Variants in PHLDB2 observed in about 807,000 individuals in gnomAD.
PHLDB2 encodes the protein pleckstrin homology like domain family B member 2, also known as pleckstrin homology-like domain family B member 2.
A neutral mutation model predicts 123.6 loss-of-function variants in PHLDB2; 71 were observed. That is an observed-to-expected ratio of 0.57 (90% CI 0.47 to 0.70). PHLDB2 has a LOEUF of 0.70. Ranked by LOEUF, PHLDB2 falls within the 30% of genes least tolerant of loss-of-function variation. The probability of loss-of-function intolerance (pLI) is 0.00; values close to 1 mark genes in which losing one functional copy is unlikely to be tolerated. For synonymous variants in PHLDB2, 547 were observed against 541.6 expected (o/e 1.01, Z -0.14); for missense variants, 1,446 against 1,519.5 (o/e 0.95, Z 0.80).
At chr3:111,809,014 GA>G (rs2061717811) in intron 1 of PHLDB2, among the ~76,000 whole-genome samples, 1 of 152,120 alleles carries the variant, frequency 6.6e-6, no homozygotes, top group African/African-American at 2.4e-5. Flanking sequence ...TATTTACCAA[GA>G]AATGCAATGG....
chr3:111,895,062 A>C (rs891829322), intron 2 of PHLDB2, among the ~76,000 whole-genome samples: 10 of 152,110 alleles, frequency 6.6e-5, no homozygotes, highest in African/African-American at 2.4e-4. Context: ...AGTGAAAAAA[A>C]AAAAACGGTT....
At chr3:111,951,352 T>C (rs1014171922) in intron 10 of PHLDB2, among the ~76,000 whole-genome samples, 7 of 152,220 alleles carry the variant, frequency 4.6e-5, no homozygotes, top group African/African-American at 1.4e-4. Flanking sequence ...AATAATTTAA[T>C]GAGATAACGT....
chr3:111,913,451 G>A lies in PHLDB2; in HGVS notation c.1468G>A (p.Asp490Asn), dbSNP rs759554814. 1 of 1,614,158 alleles carries A rather than the reference G, an allele frequency of 6.2e-7. No homozygotes were observed. The highest frequency in any genetic ancestry group is 1.3e-5 in the African/African-American group (1 of 75,054). Residue 490 changes from aspartate to asparagine, a missense_variant, in exon 3 of 18, where the codon GAT becomes AAT. Asp to Asn is a conservative substitution (Grantham distance 23, BLOSUM62 1). Coordinates refer to ENST00000431670, the MANE Select transcript of PHLDB2 (RefSeq NM_001134438.2). ...GGAGCTTGAGAAGCTGCAGCTCTCT[G>A]ATGAGGAGTCTGTGTTTGAGGAAGC... ...NKELEKLQLS[D>N]EESVFEEALM...
At chr3:111,798,264 C>T (rs1191999532) in intron 1 of PHLDB2, among the ~76,000 whole-genome samples, 1 of 152,086 alleles carries the variant, frequency 6.6e-6, no homozygotes, top group Non-Finnish European at 1.5e-5. Flanking sequence ...GAAAAAGAAT[C>T]AGGGAACATT....
chr3:111,789,902 T>G (rs1422785119), intron 1 of PHLDB2, among the ~76,000 whole-genome samples: 4 of 152,150 alleles, frequency 2.6e-5, no homozygotes, highest in Admixed American at 2.0e-4. Flanking sequence ...GATTCTTTGG[T>G]TCTCACCACC....
chr3:111,884,837 C>T lies in PHLDB2; in HGVS notation c.760C>T (p.Arg254Ter), dbSNP rs1245705572. The change falls in exon 2 of 18, where the codon CGA (arginine) becomes TGA (stop). Residue 254 changes from arginine (R) to a stop codon, truncating the protein, a stop_gained. Transcript: ENST00000431670. LOFTEE classifies it high-confidence loss of function. Reference sequence around the variant, plus strand: ...CCTGAGTCACATGGGAGCCTACAGCCGATCACTTCCCAGGTTGTACAGAGC... The same window carrying T: ...CCTGAGTCACATGGGAGCCTACAGCTGATCACTTCCCAGGTTGTACAGAGC... ...SSLSHMGAYS[R>*]SLPRLYRATE... The T allele has an allele frequency of 7.4e-6, 12 of 1,614,002 alleles. No homozygotes were observed. Among genetic ancestry groups the T allele is most frequent in the Middle Eastern group, 1.6e-4 (1 of 6,084 alleles).
chr3:111,811,713 T>G, intron 1 of PHLDB2, among the ~76,000 whole-genome samples: 1 of 152,158 alleles, frequency 6.6e-6, no homozygotes, highest in African/African-American at 2.4e-5. Context: ...TTTCAGATAC[T>G]ATAATTCTGT....
chr3:111,952,578 A>G lies in PHLDB2; in HGVS notation c.2638A>G (p.Arg880Gly), dbSNP rs916504756. The change falls in exon 11 of 18, where the codon AGA becomes GGA. Residue 880 changes from arginine (R) to glycine (G), a missense_variant. Coordinates refer to ENST00000431670, the MANE Select transcript of PHLDB2 (RefSeq NM_001134438.2). ...TTTGCATTTGCATTTAAAGCACTTT[A>G]GAAGTCTGGAAGAAAGGAAAAAACA... is the stretch of plus-strand genomic sequence containing the variant. ...ASQPQSKEHF[R>G]SLEERKKQHK... is the part of the protein sequence containing the mutation. 3.1e-6 allele frequency: 5 copies of G among 1,612,274 alleles called. No individual in the cohort carries two copies. The highest frequency in any genetic ancestry group is 3.4e-6 in the Non-Finnish European group (4 of 1,179,490).
chr3:111,747,828 A>G (rs1431862684), intron 1 of PHLDB2, among the ~76,000 whole-genome samples: 5 of 152,122 alleles, frequency 3.3e-5, no homozygotes, highest in Non-Finnish European at 7.4e-5. Flanking sequence ...GTCTTTTTGT[A>G]TAACTAATCT....
At chr3:111,748,838 T>C (rs1464007687) in intron 1 of PHLDB2, among the ~76,000 whole-genome samples, 3 of 152,118 alleles carry the variant, frequency 2.0e-5, no homozygotes, top group African/African-American at 7.2e-5. Flanking sequence ...TCTTTTTTCT[T>C]GTCAAATTTA....
chr3:111,917,360 G>A (rs1379517156), intron 3 of PHLDB2: 2 of 152,050 alleles, frequency 1.3e-5, no homozygotes, highest in Non-Finnish European at 2.9e-5. Context: ...CTGTTATTTT[G>A]TATTTTTCTT....
chr3:111,797,213 G>A (rs1207804043), intron 1 of PHLDB2, among the ~76,000 whole-genome samples: 1 of 152,112 alleles, frequency 6.6e-6, no homozygotes, highest in Non-Finnish European at 1.5e-5. Flanking sequence ...ATGTGTTGAC[G>A]TGATTATTGA....
chr3:111,969,926 A>G lies in PHLDB2; in HGVS notation c.3535+17A>G, dbSNP rs139085395. The G allele has an allele frequency of 1.5e-4, 242 of 1,609,360 alleles. No homozygotes were observed. In the African/African-American group the frequency reaches 2.6e-3, roughly 17 times the overall value. On this transcript the variant is annotated intron_variant, in intron 16 of 17. Coordinates refer to ENST00000431670, the MANE Select transcript of PHLDB2 (RefSeq NM_001134438.2). ...ATTATGCAGGTGGGTGATAAAAACA[A>G]TTTAAGCCATATACTCAAATCAAGA...
intron 12 of PHLDB2, 95 bp downstream of exon 12, chr3:111,954,124 G>A: frequency 8.7e-7 from 1 of 1,154,352 alleles, no homozygotes; most frequent in Non-Finnish European, 1.2e-6. Context: ...ATGATTAGAG[G>A]AGGGATCAAC....
intron 1 of PHLDB2, among the ~76,000 whole-genome samples, chr3:111,800,308 G>A (rs1055905705): frequency 6.6e-6 from 1 of 152,158 alleles, no homozygotes; most frequent in African/African-American, 2.4e-5. Flanking sequence ...GCCTGGCCAA[G>A]AAACTCTTAT....
intron 1 of PHLDB2, among the ~76,000 whole-genome samples, chr3:111,807,732 C>G (rs1242333601): frequency 6.6e-6 from 1 of 151,762 alleles, no homozygotes; most frequent in Non-Finnish European, 1.5e-5. Context: ...GCACTACAGC[C>G]TGGGCGACAG....
At chr3:111,846,440 T>A (rs1004748299) in intron 2 of PHLDB2, 1 of 157,960 alleles carries the variant, frequency 6.3e-6, no homozygotes, top group African/African-American at 2.4e-5. Flanking sequence ...AATAGGCTTA[T>A]AAAGTGTATA....
At position 111,860,715 on chromosome 3, in the gene PHLDB2, C is replaced by T. The variant is rs534215540; in HGVS notation, c.-15+1139C>T. On this transcript the variant is annotated intron_variant, in intron 1 of 17. Coordinates refer to ENST00000431670, the MANE Select transcript of PHLDB2 (RefSeq NM_001134438.2). Reference sequence around the variant, plus strand: ...GCAGCTTTTTCTCTCGGTAAACTACCCGTGGCTGGAAATCCTCCGGGCGCC... The same window carrying T: ...GCAGCTTTTTCTCTCGGTAAACTACTCGTGGCTGGAAATCCTCCGGGCGCC... Among the ~76,000 whole-genome samples the T allele has an allele frequency of 5.3e-5, 8 of 152,280 alleles. No individual in the cohort carries two copies. In the East Asian group the frequency reaches 7.7e-4, roughly 15 times the overall value.
At chr3:111,971,437 T>C (rs868676026) in intron 16 of PHLDB2, among the ~76,000 whole-genome samples, 2 of 136,550 alleles carry the variant, frequency 1.5e-5, no homozygotes, top group Non-Finnish European at 3.3e-5. Context: ...GTGACTGATT[T>C]CAATTTTAAA....
Sources: gnomAD v4.1 joint callset for allele counts (sites outside exome capture counted in the v4.1 genomes callset) on GRCh38, gnomAD v4.1.1 for gene constraint, MANE v1.5 for transcripts, NCBI Gene and HGNC (gene_info 2026-07-23, HGNC 2026-07-21) for gene names.